RABEP2: variants seen among roughly 807,000 people sequenced by gnomAD.
The protein encoded by RABEP2 is rabaptin, RAB GTPase binding effector protein 2.
RABEP2 carries 57 observed loss-of-function variants against 74.1 expected under a neutral mutation model. That is an observed-to-expected ratio of 0.77 (90% CI 0.62 to 0.96). RABEP2 has a LOEUF of 0.96. Ranked by LOEUF, RABEP2 falls within the 40% of genes least tolerant of loss-of-function variation. The pLI is 0.00. For missense variants in RABEP2, 692 were observed against 756.3 expected, an observed-to-expected ratio of 0.91 and a Z score of 1.00; for synonymous variants, 351 against 344.0, an observed-to-expected ratio of 1.02 and a Z score of -0.23.
chr16:28,915,006 C>T (rs1365001062), intron 3 of RABEP2, among the ~76,000 whole-genome samples: 4 of 150,354 alleles, frequency 2.7e-5, no homozygotes, highest in Admixed American at 6.7e-5. Flanking sequence ...CCTGTGGTCC[C>T]GTCACTCACC....
chr16:28,907,135 G>GGATC (rs747896677), intron 8 of RABEP2, among the ~76,000 whole-genome samples: 14 of 149,788 alleles, frequency 9.3e-5, no homozygotes, highest in Non-Finnish European at 1.8e-4. Flanking sequence ...GGTGCCCCAT[G>GGATC]GATCTTTTTT....
intron 2 of RABEP2, 23 bp downstream of exon 2, chr16:28,924,380 T>C (rs893879327): frequency 3.1e-6 from 5 of 1,600,212 alleles, no homozygotes; most frequent in Non-Finnish European, 4.3e-6. Context: ...TGATGGGGAG[T>C]CTAGGTGAGT....
At position 28,914,272 on chromosome 16, in the gene RABEP2, G is replaced by A. The variant is rs1250331391; in HGVS notation, c.858C>T (p.Leu286=). ...GCTGCTCCCACTGAGTGTCTGGGAC[G>A]AGCTGGTAGCCAGGAGGGGGCAGGT... ...GIYLPPPGYQ[L]VPDTQWEQLQ... Residue 286 remains leucine (L), a synonymous_variant, in exon 5 of 13, where the codon CTC becomes CTT. Transcript: ENST00000358201. The A allele has an allele frequency of 8.1e-6, 13 of 1,610,754 alleles. No homozygotes were observed. Among genetic ancestry groups the A allele is most frequent in the Middle Eastern group, 1.9e-4 (1 of 5,350 alleles).
rs2152221040 is a variant in RABEP2, at chr16:28,914,291, G to A, written c.839C>T (p.Pro280Leu). The A allele has an allele frequency of 6.2e-7, 1 of 1,612,572 alleles. No individual in the cohort carries two copies. The highest frequency in any genetic ancestry group is 2.2e-5 in the East Asian group (1 of 44,888). The part of the protein sequence containing the change: ...GTLVPEGIYL[P>L]PPGYQLVPDT... ...TGGGACGAGCTGGTAGCCAGGAGGG[G>A]GCAGGTAGATGCCCTCGGGAACCAG... Residue 280 changes from proline to leucine, a missense_variant, in exon 5 of 13, where the codon CCC becomes CTC. Transcript: ENST00000358201.
intron 5 of RABEP2, among the ~76,000 whole-genome samples, chr16:28,911,586 C>A (rs751236812): frequency 6.6e-6 from 1 of 150,878 alleles, no homozygotes; most frequent in East Asian, 1.9e-4. Flanking sequence ...TTCACTTAAA[C>A]CCAGGAAGCA....
At position 28,908,538 on chromosome 16, in the gene RABEP2, C is replaced by G. The variant is rs536158690; in HGVS notation, c.1245+71G>C. 1.3e-5 allele frequency: 19 copies of G among 1,483,646 alleles called. No homozygotes were observed. In the East Asian group the frequency reaches 4.5e-4, roughly 35 times the overall value. 91.9% of individuals were successfully genotyped at this position (1,483,646 alleles called of 1,614,324 possible). On this transcript the variant is annotated intron_variant, in intron 8 of 12. Coordinates refer to ENST00000358201, the MANE Select transcript of RABEP2 (RefSeq NM_024816.3). ...CAGCACCCTGGCTGGTCGTGACCAA[C>G]GCTCTGCCCTGCCTGGGAAGAAGGG...
intron 2 of RABEP2, 61 bp from the exon 3 acceptor site, chr16:28,920,004 G>A: frequency 6.7e-7 from 1 of 1,486,362 alleles, no homozygotes; most frequent in South Asian, 1.3e-5. Flanking sequence ...CTGCCTGTGG[G>A]CGAGCAGGGG....
At chr16:28,913,639 G>A (rs1346705966) in intron 5 of RABEP2, among the ~76,000 whole-genome samples, 1 of 151,440 alleles carries the variant, frequency 6.6e-6, no homozygotes, top group African/African-American at 2.4e-5. Context: ...GCGCCACCAC[G>A]CCCAGCTAAT....
At chr16:28,923,469 C>A (rs1300736781) in intron 2 of RABEP2, among the ~76,000 whole-genome samples, 1 of 151,774 alleles carries the variant, frequency 6.6e-6, no homozygotes, top group East Asian at 1.9e-4. Flanking sequence ...TTAGGACACA[C>A]CTGGCTTTTC....
chr16:28,924,572 G>A lies in RABEP2; in HGVS notation c.105C>T (p.Ala35=). The part of the protein sequence containing the change: ...SRSQEGANGE[A]ESGELSRLRA... ...GAAGCCGGCTGAGCTCACCTGACTC[G>A]GCCTCACCATTTGCCCCTTCCTGGG... The change falls in exon 2 of 13, where the codon GCC becomes GCT. Residue 35 remains alanine, a synonymous_variant. Transcript: ENST00000358201. The A allele has an allele frequency of 6.2e-7, 1 of 1,613,322 alleles. No homozygotes were observed. Among genetic ancestry groups the A allele is most frequent in the African/African-American group, 1.3e-5 (1 of 75,046 alleles).
intron 3 of RABEP2, chr16:28,917,789 A>C (rs1964415124): frequency 6.6e-6 from 1 of 152,258 alleles, no homozygotes; most frequent in Non-Finnish European, 1.5e-5. Context: ...CAACCTGCGG[A>C]GGTGCTCCCT....
Position 28,919,881 on chromosome 16 carries a change from G to C in RABEP2, c.337C>G (p.Gln113Glu). The change falls in exon 3 of 13, where the codon CAG (glutamine) becomes GAG (glutamate). Residue 113 changes from glutamine to glutamate, a missense_variant. By Grantham distance (29) the Gln-to-Glu change is conservative (BLOSUM62 2). Transcript: ENST00000358201. ...TCCCGCTCCTTCTCCTCACAGTCCT[G>C]CTGCTGCTGCTGTCGCTCCTGCTTC... ...ALKQERQQQQQDCEEKERELG... is the reference protein window; with the variant it reads ...ALKQERQQQQEDCEEKERELG... The C allele has an allele frequency of 6.5e-7, 1 of 1,540,768 alleles. No homozygotes were observed.
Position 28,923,880 on chromosome 16 carries a change from A to C in RABEP2, c.274+523T>G, listed in dbSNP as rs58972241. 5.6e-3 allele frequency: 934 copies of C among 166,048 alleles called. 11 individuals are homozygous for C. Among genetic ancestry groups the C allele is most frequent in the African/African-American group, 0.021 (874 of 41,662 alleles). The allele number at this position is 166,048 out of a possible 1,614,324, so 10.3% of individuals were successfully genotyped here. On this transcript the variant is annotated intron_variant, in intron 2 of 12. Transcript: ENST00000358201. The stretch of plus-strand genomic sequence containing the variant: ...GTCTCTGGCTTCTGCTAGAGGAAGG[A>C]GAGTAGAAAACAGGATCAGCAGCTG...
intron 3 of RABEP2, among the ~76,000 whole-genome samples, chr16:28,916,564 AG>A (rs1964395769): frequency 6.7e-6 from 1 of 150,214 alleles, no homozygotes; most frequent in South Asian, 2.1e-4. Context: ...CCAGCTACTC[AG>A]GGAGGCTGAG....
At chr16:28,919,669 G>A (rs1323283860) in intron 3 of RABEP2, 117 bp downstream of exon 3, 16 of 1,224,614 alleles carry the variant, frequency 1.3e-5, no homozygotes, top group African/African-American at 3.0e-5. Context: ...GTAACTCTGT[G>A]CTATTCCTAG....
At chr16:28,906,803 A>G (rs1422937720) in intron 8 of RABEP2, among the ~76,000 whole-genome samples, 1 of 151,702 alleles carries the variant, frequency 6.6e-6, no homozygotes, top group Non-Finnish European at 1.5e-5. Flanking sequence ...CAACAACAAC[A>G]ACAACAAATT....
intron 2 of RABEP2, among the ~76,000 whole-genome samples, chr16:28,923,073 A>T (rs544486886): frequency 7.5e-4 from 114 of 152,212 alleles, no homozygotes; most frequent in African/African-American, 2.6e-3. Context: ...AGTTACTCAT[A>T]AAGCATTTAG....
At chr16:28,921,980 A>C (rs964256872) in intron 2 of RABEP2, among the ~76,000 whole-genome samples, 1 of 151,842 alleles carries the variant, frequency 6.6e-6, no homozygotes. Context: ...ACAAAAAAAC[A>C]AAAAAAAGAG....
At chr16:28,912,900 G>A (rs898095193) in intron 5 of RABEP2, among the ~76,000 whole-genome samples, 1 of 152,036 alleles carries the variant, frequency 6.6e-6, no homozygotes, top group African/African-American at 2.4e-5. Flanking sequence ...CAGACACACT[G>A]TGGTCTCTCC....
Sources: gnomAD v4.1 joint callset for allele counts (sites outside exome capture counted in the v4.1 genomes callset) on GRCh38, gnomAD v4.1.1 for gene constraint, MANE v1.5 for transcripts, NCBI Gene and HGNC (gene_info 2026-07-23, HGNC 2026-07-21) for gene names.